The following CAPS2 variants were observed in gnomAD, a reference collection of about 807,000 sequenced individuals.
CAPS2 encodes the protein calcyphosin-2.
A neutral mutation model predicts 86.5 loss-of-function variants in CAPS2; 98 were observed. That is an observed-to-expected ratio of 1.13 (90% CI 0.96 to 1.34). The LOEUF is 1.34. Ranked by LOEUF, CAPS2 falls within the 40% of genes most tolerant of loss-of-function variation. The pLI is 0.00. For synonymous variants in CAPS2, 210 were observed against 225.1 expected (o/e 0.93, Z 0.60); for missense variants, 729 against 686.8 (o/e 1.06, Z -0.69).
intron 8 of CAPS2, 28 bp from the exon 9 acceptor site, chr12:75,299,939 T>C: frequency 3.2e-6 from 3 of 946,590 alleles, no homozygotes; most frequent in South Asian, 4.1e-5. Context: ...TTGTCAGTAA[T>C]TTTTCAAGAT....
At chr12:75,383,742 A>G (rs1204498591) in intron 1 of CAPS2, among the ~76,000 whole-genome samples, 1 of 152,182 alleles carries the variant, frequency 6.6e-6, no homozygotes, top group African/African-American at 2.4e-5. Flanking sequence ...TCTCGAGCTC[A>G]TATGAAACAT....
At chr12:75,299,154 T>A (rs1404266895) in intron 9 of CAPS2, among the ~76,000 whole-genome samples, 188 bp from the exon 10 acceptor site, 1 of 152,170 alleles carries the variant, frequency 6.6e-6, no homozygotes, top group East Asian at 1.9e-4. Flanking sequence ...AAAGTTAGAT[T>A]TGAATGCAGA....
Position 75,306,016 on chromosome 12 carries a change from C to T in CAPS2, c.660-1140G>A, listed in dbSNP as rs1448041621. The T allele has an allele frequency of 8.4e-5, 123 of 1,461,604 alleles. 1 individual carries two copies. Among genetic ancestry groups the T allele is most frequent in the Non-Finnish European group, 1.1e-4 (119 of 1,068,758 alleles). The allele number at this position is 1,461,604 out of a possible 1,614,324, so 90.5% of individuals were successfully genotyped here. ...CAGGCCTCCTGCTCATGATCCTGAGCCTCATTCTACTTGAAGGGCCGCGGC... is the reference window on the plus strand; with the variant it reads ...CAGGCCTCCTGCTCATGATCCTGAGTCTCATTCTACTTGAAGGGCCGCGGC... On this transcript the variant is annotated intron_variant, in intron 7 of 16. Coordinates refer to ENST00000393284, the Ensembl canonical transcript of CAPS2.
chr12:75,386,741 G>A (rs1474163210), intron 1 of CAPS2, among the ~76,000 whole-genome samples: 1 of 152,094 alleles, frequency 6.6e-6, no homozygotes, highest in Non-Finnish European at 1.5e-5. Flanking sequence ...ATAGAGAGCT[G>A]AGAAATAGAA....
chr12:75,282,671 G>A (rs1011029682), intron 15 of CAPS2, among the ~76,000 whole-genome samples: 3 of 152,166 alleles, frequency 2.0e-5, no homozygotes, highest in African/African-American at 7.2e-5. Context: ...ATAGGCATGA[G>A]CCACCACGTC....
At chr12:75,285,929 G>C (rs2034800226) in intron 14 of CAPS2, among the ~76,000 whole-genome samples, 1 of 151,780 alleles carries the variant, frequency 6.6e-6, no homozygotes, top group Non-Finnish European at 1.5e-5. Context: ...GGTATAATTT[G>C]GAATAAATCC....
At chr12:75,321,779 G>T (rs977276825) in intron 4 of CAPS2, among the ~76,000 whole-genome samples, 2 of 152,038 alleles carry the variant, frequency 1.3e-5, no homozygotes, top group Non-Finnish European at 2.9e-5. Flanking sequence ...AGAACTGCTC[G>T]GAATGGGCAC....
chr12:75,363,159 A>G, intron 1 of CAPS2: 1 of 1,546,376 alleles, frequency 6.5e-7, no homozygotes, highest in Non-Finnish European at 8.7e-7. Context: ...CTCTCTGCTC[A>G]AAAGAAGAGA....
chr12:75,373,449 C>T (rs2044482222), intron 1 of CAPS2: 1 of 152,208 alleles, frequency 6.6e-6, no homozygotes, highest in African/African-American at 2.4e-5. Flanking sequence ...TCCAATCATG[C>T]TTCTTCCAAG....
rs113381771 is a variant in CAPS2, at chr12:75,311,685, C to A, written c.659+1163G>T. ...TAGGAGAACAGTCACGTGTCACGTG[C>A]AGGAAGCCATGCAGGAAAAAAAAAA... On this transcript the variant is annotated intron_variant, in intron 7 of 16. Transcript: ENST00000393284. 4.9e-3 allele frequency among the ~76,000 whole-genome samples: 533 copies of A among 109,286 alleles called. 6 individuals carry two copies. Among genetic ancestry groups the A allele is most frequent in the African/African-American group, 0.018 (503 of 28,068 alleles). 71.7% of individuals were successfully genotyped at this position (109,286 alleles called of 152,430 possible).
intron 1 of CAPS2, 32 bp downstream of exon 2, chr12:75,326,386 T>C: frequency 1.1e-6 from 1 of 875,498 alleles, no homozygotes; most frequent in Non-Finnish European, 1.8e-6. Context: ...TAAGTCATCC[T>C]GAAAGAAGAA....
At chr12:75,378,749 TA>T (rs1342213461) in intron 1 of CAPS2, among the ~76,000 whole-genome samples, 2 of 152,152 alleles carry the variant, frequency 1.3e-5, no homozygotes, top group Non-Finnish European at 2.9e-5. Context: ...TAATCACATC[TA>T]AAAAAATATC....
At chr12:75,314,235 T>C (rs1391463883) in intron 6 of CAPS2, among the ~76,000 whole-genome samples, 1 of 152,138 alleles carries the variant, frequency 6.6e-6, no homozygotes, top group African/African-American at 2.4e-5. Context: ...TTAGTTTTAA[T>C]AATAATGTTA....
At chr12:75,347,810 G>T in intron 1 of CAPS2, 1 of 677,654 alleles carries the variant, frequency 1.5e-6, no homozygotes, top group South Asian at 2.2e-5. Flanking sequence ...AGACACAAGT[G>T]TATTTTTGAT....
exon 17 of CAPS2, chr12:75,277,487 C>A (rs2033136908): frequency 5.5e-6 from 5 of 908,590 alleles, no homozygotes; most frequent in Non-Finnish European, 6.6e-6. Flanking sequence ...TGTCTTCTAG[C>A]ATATTGTTTT....
At chr12:75,346,916 A>AT in intron 1 of CAPS2, among the ~76,000 whole-genome samples, 1 of 152,004 alleles carries the variant, frequency 6.6e-6, no homozygotes, top group East Asian at 1.9e-4. Context: ...GTAAACCAGT[A>AT]TTTTTTTCCC....
At position 75,299,822 on chromosome 12, in the gene CAPS2, T is replaced by TA; in HGVS notation, c.854+14dup. On this transcript the variant is annotated intron_variant, in intron 9 of 16. Coordinates refer to ENST00000393284, the Ensembl canonical transcript of CAPS2. ...ATAATCATAGGATTAAAAATTTTAATAAAATCACAATTACCGTGATACGAT... is the reference window on the plus strand; with the variant it reads ...ATAATCATAGGATTAAAAATTTTAATAAAAATCACAATTACCGTGATACGAT... 1 of 1,364,660 alleles carries TA rather than the reference T, an allele frequency of 7.3e-7. No homozygotes were observed. The highest frequency in any genetic ancestry group is 1.0e-6 in the Non-Finnish European group (1 of 986,378). The allele number at this position is 1,364,660 out of a possible 1,614,324, so 84.5% of individuals were successfully genotyped here.
At chr12:75,371,541 T>C (rs2044359696) in intron 1 of CAPS2, 2 of 267,744 alleles carry the variant, frequency 7.5e-6, no homozygotes, top group Non-Finnish European at 1.5e-5. Context: ...ACTTGAAAAA[T>C]ACACATCTCC....
At chr12:75,363,042 A>T in intron 1 of CAPS2, 5 of 807,890 alleles carry the variant, frequency 6.2e-6, no homozygotes, top group Non-Finnish European at 1.0e-5. Context: ...GCATACATGC[A>T]TGAACAAAAT....
Sources: allele counts gnomAD v4.1 joint callset (sites outside exome capture counted in the v4.1 genomes callset), GRCh38; gene constraint gnomAD v4.1.1; transcripts MANE v1.5; gene names NCBI Gene and HGNC (gene_info 2026-07-23, HGNC 2026-07-21).